Variants in MS4A14 observed in about 807,000 individuals in gnomAD.
MS4A14 encodes membrane-spanning 4-domains subfamily A member 14.
In MS4A14, 18 loss-of-function variants were observed where a neutral mutation model predicts 16.7. That is an observed-to-expected ratio of 1.08 (90% CI 0.75 to 1.60). The LOEUF (loss-of-function observed/expected upper bound fraction) is 1.60. Among genes scored for constraint, MS4A14 ranks in the 40% most tolerant of loss-of-function variants. The pLI is 0.00. For synonymous variants in MS4A14, 305 were observed against 289.4 expected (o/e 1.05, Z -0.55); for missense variants, 812 against 775.3 (o/e 1.05, Z -0.56).
chr11:60,400,919 A>T (rs1324822344), intron 3 of MS4A14, among the ~76,000 whole-genome samples: 1 of 152,090 alleles, frequency 6.6e-6, no homozygotes, highest in Non-Finnish European at 1.5e-5. Flanking sequence ...AGGTTGAGAA[A>T]CCTTGCTCTA....
intron 4 of MS4A14, chr11:60,404,581 C>T (rs1350914601): frequency 2.2e-6 from 1 of 457,134 alleles, no homozygotes; most frequent in South Asian, 1.5e-5. Flanking sequence ...ACTCCAGCCA[C>T]TTCCTATAAT....
rs761404255 is a variant in MS4A14 at position 60,416,348 on chromosome 11, TAG to T, written c.1382_1383del (p.Arg461IlefsTer13). 22 of 1,613,948 alleles carry T rather than the reference TAG, an allele frequency of 1.4e-5. No individual in the cohort carries two copies. Among genetic ancestry groups the T allele is most frequent in the Non-Finnish European group, 1.9e-5 (22 of 1,179,932 alleles). The stretch of plus-strand genomic sequence containing the variant: ...TTTTACAAATGTCATATCAAGATAT[TAG>T]ATCAGAAGTTATGGAAGAGACCAAA... ...QILQMSYQDIRSEVMEETKEW... is the reference protein window; with the variant it reads ...QILQMSYQDIXSEVMEETKEW... On this transcript the variant is annotated frameshift_variant, in exon 5 of 5. Transcript: ENST00000300187. LOFTEE classifies it low-confidence loss of function (END_TRUNC).
At chr11:60,403,832 G>A (rs1213377777) in intron 4 of MS4A14, among the ~76,000 whole-genome samples, 2 of 152,198 alleles carry the variant, frequency 1.3e-5, no homozygotes, top group Non-Finnish European at 2.9e-5. Flanking sequence ...GAATCCGTTA[G>A]AAGGGAAATA....
Position 60,416,098 on chromosome 11 carries a change from C to A in MS4A14, c.1130C>A (p.Ser377Tyr). 6.2e-7 allele frequency: 1 copy of A among 1,609,712 alleles called. No homozygotes were observed. The highest frequency in any genetic ancestry group is 8.5e-7 in the Non-Finnish European group (1 of 1,177,826). ...SQDMLFHDMT[S>Y]QDMQSLDMLS... ...GATATGCTGTTTCATGACATGACAT[C>A]CCAAGATATGCAATCCCTAGATATG... is the stretch of plus-strand genomic sequence containing the variant. The change falls in exon 5 of 5, where the codon TCC becomes TAC. Residue 377 changes from serine (S) to tyrosine (Y), a missense_variant. Transcript: ENST00000300187.
At chr11:60,399,827 C>A (rs2085683898) in intron 2 of MS4A14, among the ~76,000 whole-genome samples, 1 of 152,046 alleles carries the variant, frequency 6.6e-6, no homozygotes, top group African/African-American at 2.4e-5. Flanking sequence ...GATCCTTGGA[C>A]TCTAAGACCC....
chr11:60,402,228 A>T (rs900340134), intron 3 of MS4A14, among the ~76,000 whole-genome samples: 1 of 151,832 alleles, frequency 6.6e-6, no homozygotes, highest in Non-Finnish European at 1.5e-5. Context: ...AGTGTGAAAT[A>T]TTTTTATTGC....
At chr11:60,404,032 G>A (rs1439762590) in intron 4 of MS4A14, among the ~76,000 whole-genome samples, 1 of 152,128 alleles carries the variant, frequency 6.6e-6, no homozygotes, top group Non-Finnish European at 1.5e-5. Context: ...AACAACATAA[G>A]CGATAAAACC....
chr11:60,398,947 A>C (rs952022678), intron 2 of MS4A14, among the ~76,000 whole-genome samples: 3 of 152,328 alleles, frequency 2.0e-5, no homozygotes, highest in South Asian at 4.1e-4. Flanking sequence ...TCCCAGTGTG[A>C]CTTTGTGTAC....
chr11:60,401,831 C>G (rs1489994936), intron 3 of MS4A14, among the ~76,000 whole-genome samples: 1 of 152,116 alleles, frequency 6.6e-6, no homozygotes, highest in Non-Finnish European at 1.5e-5. Context: ...GATGGCCTAT[C>G]TATATGTTCC....
At position 60,416,240 on chromosome 11, in the gene MS4A14, T is replaced by G; in HGVS notation, c.1272T>G (p.Ile424Met). 1.2e-6 allele frequency: 2 copies of G among 1,614,012 alleles called. No homozygotes were observed. The highest frequency in any genetic ancestry group is 1.7e-6 in the Non-Finnish European group (2 of 1,179,972). The part of the protein sequence containing the change: ...AILPEASTSH[I>M]VQFPEIQHLL... The stretch of plus-strand genomic sequence containing the variant: ...TACCTGAAGCCTCAACATCCCATAT[T>G]GTGCAGTTCCCTGAAATACAACACC... The change falls in exon 5 of 5, where the codon ATT (isoleucine) becomes ATG (methionine). Residue 424 changes from isoleucine to methionine, a missense_variant. Physicochemically the swap from Ile to Met is conservative, Grantham distance 10. Coordinates refer to ENST00000300187, the MANE Select transcript of MS4A14 (RefSeq NM_032597.5).
intron 2 of MS4A14, among the ~76,000 whole-genome samples, chr11:60,400,133 C>T (rs2304937): frequency 0.77 from 116,558 of 152,034 alleles, 44,894 homozygotes; most frequent in African/African-American, 0.83. Flanking sequence ...GAGCCCCAGC[C>T]GGATCAAACA....
rs1395006089 is a variant in MS4A14 at position 60,403,009 on chromosome 11, G to A, written c.416G>A (p.Cys139Tyr). ...ILSYRHQDKY[C>Y]QMPSFEEICV... is the part of the protein sequence containing the mutation. Reference sequence around the variant, plus strand: ...AGCTACAGACATCAAGACAAGTACTGCCAGATGCCATCCTTTGAAGAAATA... The same window carrying A: ...AGCTACAGACATCAAGACAAGTACTACCAGATGCCATCCTTTGAAGAAATA... Residue 139 changes from cysteine to tyrosine, a missense_variant, in exon 4 of 5, where the codon TGC (cysteine) becomes TAC (tyrosine). Physicochemically the swap from Cys to Tyr is radical, Grantham distance 194 (BLOSUM62 -2). Coordinates refer to ENST00000300187, the MANE Select transcript of MS4A14 (RefSeq NM_032597.5). 1 of 1,613,728 alleles carries A rather than the reference G, an allele frequency of 6.2e-7. No homozygotes were observed. Among genetic ancestry groups the A allele is most frequent in the East Asian group, 2.2e-5 (1 of 44,888 alleles).
chr11:60,398,139 C>G, intron 2 of MS4A14, 159 bp downstream of exon 2: 1 of 609,704 alleles, frequency 1.6e-6, no homozygotes, highest in Admixed American at 3.2e-5. Flanking sequence ...TTGGTCACTG[C>G]ACTACCATCA....
intron 4 of MS4A14, 148 bp downstream of exon 4, chr11:60,403,209 T>A: frequency 1.2e-6 from 1 of 831,560 alleles, no homozygotes; most frequent in Non-Finnish European, 2.0e-6. Flanking sequence ...GGGTTACTGT[T>A]ACAATGGTTA....
intron 4 of MS4A14, among the ~76,000 whole-genome samples, chr11:60,414,820 C>T (rs2085915102): frequency 2.0e-5 from 3 of 152,076 alleles, no homozygotes; most frequent in Non-Finnish European, 2.9e-5. Flanking sequence ...TGACTCCTGT[C>T]TTATTTCATC....
chr11:60,415,441 T>G lies in MS4A14; in HGVS notation c.473T>G (p.Leu158Arg), dbSNP rs776006212. The change falls in exon 5 of 5, where the codon CTG (leucine) becomes CGG (arginine). Residue 158 changes from leucine (L) to arginine (R), a missense_variant. Transcript: ENST00000300187. ...CCCTCATCCTTGCTTTTATAGGTTC[T>G]GTTTTTCTTGCCTTCGGATGTTACT... Reference protein sequence around the residue: ...CVFSRTLFIVLFFLPSDVTQN... With the variant: ...CVFSRTLFIVRFFLPSDVTQN... The G allele has an allele frequency of 1.9e-6, 3 of 1,600,258 alleles. No homozygotes were observed. Among genetic ancestry groups the G allele is most frequent in the Non-Finnish European group, 2.6e-6 (3 of 1,174,750 alleles).
chr11:60,408,793 G>C lies in MS4A14; in HGVS notation c.468+5732G>C, dbSNP rs530022517. ...TGTAAAAATATCTGCTCAAGTCCCT[G>C]TTTTCAATTCTTTTGGATACATACC... On this transcript the variant is annotated intron_variant, in intron 4 of 4. Coordinates refer to ENST00000300187, the MANE Select transcript of MS4A14 (RefSeq NM_032597.5). 2.0e-5 allele frequency among the ~76,000 whole-genome samples: 3 copies of C among 152,260 alleles called. No individual in the cohort carries two copies. In the East Asian group the frequency reaches 5.8e-4, roughly 29 times the overall value.
chr11:60,415,226 T>G (rs1268447574), intron 4 of MS4A14, among the ~76,000 whole-genome samples: 1 of 152,154 alleles, frequency 6.6e-6, no homozygotes. Context: ...ATTCCTCTGT[T>G]CAATATTTGA....
chr11:60,398,051 G>A (rs1565172771), intron 2 of MS4A14, 71 bp downstream of exon 2: 2 of 1,536,456 alleles, frequency 1.3e-6, no homozygotes, highest in South Asian at 2.4e-5. Flanking sequence ...CACGTCCTAG[G>A]GTAATGAATT....
Sources: gnomAD v4.1 joint callset for allele counts (sites outside exome capture counted in the v4.1 genomes callset) on GRCh38, gnomAD v4.1.1 for gene constraint, MANE v1.5 for transcripts, NCBI Gene and HGNC (gene_info 2026-07-23, HGNC 2026-07-21) for gene names.